PPP1R10: variants seen among roughly 807,000 people sequenced by gnomAD.
PPP1R10 encodes the protein serine/threonine-protein phosphatase 1 regulatory subunit 10.
A neutral mutation model predicts 99.0 loss-of-function variants in PPP1R10; 15 were observed. The observed-to-expected ratio is 0.15, with a 90% CI of 0.10 to 0.23. The LOEUF (loss-of-function observed/expected upper bound fraction) is 0.23. Ranked by LOEUF, PPP1R10 falls within the 10% of genes least tolerant of loss-of-function variation. The pLI is 1.00. For synonymous variants in PPP1R10, 430 were observed against 449.5 expected (o/e 0.96, Z 0.55); for missense variants, 947 against 1,259.4 (o/e 0.75, Z 3.75).
In PPP1R10 at chr6:30,616,584, T is replaced by C. The variant is rs980696630; in HGVS notation, c.-118A>G. On this transcript the variant is annotated 5_prime_UTR_variant, in exon 2 of 20. Coordinates refer to ENST00000376511, the MANE Select transcript of PPP1R10 (RefSeq NM_002714.4). Reference sequence around the variant, plus strand: ...AACCAGGACCCAAAACTCAATTATTTAGGGGGCCTCATTGGATCAAAAAGT... The same window carrying C: ...AACCAGGACCCAAAACTCAATTATTCAGGGGGCCTCATTGGATCAAAAAGT... 3.3e-5 allele frequency: 5 copies of C among 152,006 alleles called. No individual in the cohort carries two copies. Among genetic ancestry groups the C allele is most frequent in the Admixed American group, 2.6e-4 (4 of 15,260 alleles). 9.4% of individuals were successfully genotyped at this position (152,006 alleles called of 1,614,324 possible).
intron 2 of PPP1R10, among the ~76,000 whole-genome samples, chr6:30,615,162 G>A (rs950414821): frequency 6.7e-6 from 1 of 149,860 alleles, no homozygotes; most frequent in African/African-American, 2.5e-5. Context: ...TGGAGAAAGA[G>A]GACTTAAACT....
Position 30,601,490 on chromosome 6 carries a change from G to C in PPP1R10, c.*59C>G. On this transcript the variant is annotated 3_prime_UTR_variant, in exon 20 of 20. Transcript: ENST00000376511. ...TGGGCCTCACAGAAGCCATAACAGG[G>C]TGGAAAGAGCGAGGCTGCAGTCCAC... The C allele has an allele frequency of 7.0e-7, 1 of 1,435,774 alleles. No individual in the cohort carries two copies. Among genetic ancestry groups the C allele is most frequent in the Middle Eastern group, 1.8e-4 (1 of 5,416 alleles). 88.9% of individuals were successfully genotyped at this position (1,435,774 alleles called of 1,614,324 possible). A position where few individuals can be genotyped will look rare whatever the true frequency, so the allele number is the denominator to read the frequency against.
Position 30,609,692 on chromosome 6 carries a change from C to T in PPP1R10, c.107+146G>A. The T allele has an allele frequency of 9.9e-6, 7 of 704,852 alleles. No homozygotes were observed. The South Asian group carries it at 1.3e-4, about 13-fold the overall frequency. 43.7% of individuals were successfully genotyped at this position (704,852 alleles called of 1,614,324 possible). ...GTGATCATCTTTTCCTATCCCTTAT[C>T]CTAAAATTGTTACATTTTAATCCTA... On this transcript the variant is annotated intron_variant, in intron 3 of 19. Coordinates refer to ENST00000376511, the MANE Select transcript of PPP1R10 (RefSeq NM_002714.4). This position sits in a 1 kb window ranked among gnomAD's most constrained non-coding sequence, Gnocchi z 4.5.
rs1803531238 is a variant in PPP1R10 at position 30,603,000 on chromosome 6, G to C, written c.1844-41C>G. ...AGAGTAACACAGCATGAGCACTCTA[G>C]AAGACTAGCATGATCTCCCATTTAG... On this transcript the variant is annotated intron_variant, in intron 17 of 19. Coordinates refer to ENST00000376511, the MANE Select transcript of PPP1R10 (RefSeq NM_002714.4). This position sits in a 1 kb window ranked among gnomAD's most constrained non-coding sequence, Gnocchi z 6.7. 2.0e-6 allele frequency: 3 copies of C among 1,488,312 alleles called. No individual in the cohort carries two copies. Among genetic ancestry groups the C allele is most frequent in the Non-Finnish European group, 2.7e-6 (3 of 1,104,126 alleles). The allele number at this position is 1,488,312 out of a possible 1,614,324, so 92.2% of individuals were successfully genotyped here.
In PPP1R10 at chr6:30,604,291, G is replaced by A; in HGVS notation, c.1262-37C>T. 1 of 1,613,750 alleles carries A rather than the reference G, an allele frequency of 6.2e-7. No homozygotes were observed. The stretch of plus-strand genomic sequence containing the variant: ...GGAAGAAAAGCAAGAGGGAAAGTAA[G>A]CACAACCAAGTCCTTTCAAAATCCC... On this transcript the variant is annotated intron_variant, in intron 13 of 19. Transcript: ENST00000376511. This position sits in a 1 kb window ranked among gnomAD's most constrained non-coding sequence, Gnocchi z 7.3.
intron 2 of PPP1R10, among the ~76,000 whole-genome samples, chr6:30,610,494 G>A (rs1440339631): frequency 3.9e-5 from 6 of 152,212 alleles, no homozygotes; most frequent in Non-Finnish European, 8.8e-5. Flanking sequence ...CACATGGCAA[G>A]ATATGTATCA....
Position 30,602,094 on chromosome 6 carries a change from C to T in PPP1R10, c.2555G>A (p.Gly852Glu), listed in dbSNP as rs2127435140. ...CCGGTGGCCATGGGGCCCCCCGTGT[C>T]CAGGGCCTTCATGGGGACGATGTCC... ...SGGHRPHEGPGHGGPHGHRPH... is the reference protein window; with the variant it reads ...SGGHRPHEGPEHGGPHGHRPH... The change falls in exon 19 of 20, where the codon GGA (glycine) becomes GAA (glutamate). Residue 852 changes from glycine (G) to glutamate (E), a missense_variant. Coordinates refer to ENST00000376511, the MANE Select transcript of PPP1R10 (RefSeq NM_002714.4). This position sits in a 1 kb window ranked among gnomAD's most constrained non-coding sequence, Gnocchi z 6.7. 6.3e-7 allele frequency: 1 copy of T among 1,592,922 alleles called. No individual in the cohort carries two copies. Among genetic ancestry groups the T allele is most frequent in the Non-Finnish European group, 8.6e-7 (1 of 1,168,102 alleles).
rs746956717 is a variant in PPP1R10, at chr6:30,602,655, C to T, written c.1994G>A (p.Arg665His). The T allele has an allele frequency of 8.7e-6, 14 of 1,602,720 alleles. No homozygotes were observed. Among genetic ancestry groups the T allele is most frequent in the East Asian group, 6.7e-5 (3 of 44,726 alleles). ...GGGAGGGGGTGGAGGACCCAGAAGA[C>T]GTGGACCCACTGGCCCACCAGGGCC... ...HGGPGGPVGP[R>H]LLGPPPPPRG... The change falls in exon 19 of 20, where the codon CGT (arginine) becomes CAT (histidine). Residue 665 changes from arginine (R) to histidine (H), a missense_variant. Around this residue, in one of 10 missense-constraint regions of PPP1R10, gnomAD observed 525 missense variants for 578.8 expected, o/e 0.91. Coordinates refer to ENST00000376511, the MANE Select transcript of PPP1R10 (RefSeq NM_002714.4). The surrounding 1 kb of genome is among the most constrained non-coding windows in gnomAD (Gnocchi z 6.7).
At position 30,616,727 on chromosome 6, in the gene PPP1R10, G is replaced by GAA. The variant is rs1760605291; in HGVS notation, c.-263_-262dup. 1 of 152,166 alleles carries GAA rather than the reference G, an allele frequency of 6.6e-6. No homozygotes were observed. The highest frequency in any genetic ancestry group is 2.4e-5 in the African/African-American group (1 of 41,438). 9.4% of individuals were successfully genotyped at this position (152,166 alleles called of 1,614,324 possible). On this transcript the variant is annotated 5_prime_UTR_variant, in exon 2 of 20. Coordinates refer to ENST00000376511, the MANE Select transcript of PPP1R10 (RefSeq NM_002714.4). Reference sequence around the variant, plus strand: ...TCAAAAAAGTAAACGCTGGATGAGTGAATTTGGGTGGTTTGGGAAGGGAGG... The same window carrying GAA: ...TCAAAAAAGTAAACGCTGGATGAGTGAAAATTTGGGTGGTTTGGGAAGGGAGG...
intron 2 of PPP1R10, among the ~76,000 whole-genome samples, chr6:30,615,812 G>A (rs1207465672): frequency 6.6e-6 from 1 of 151,992 alleles, no homozygotes; most frequent in Non-Finnish European, 1.5e-5. Context: ...TGTATGTACT[G>A]GCACTAAGAT....
rs776306917 is a variant in PPP1R10 at position 30,606,259 on chromosome 6, C to T, written c.635-16G>A. 50 of 1,612,438 alleles carry T rather than the reference C, an allele frequency of 3.1e-5. No individual in the cohort carries two copies. The highest frequency in any genetic ancestry group is 5.0e-5 in the Admixed American group (3 of 59,982). On this transcript the variant is annotated splice_polypyrimidine_tract_variant and intron_variant, in intron 8 of 19. Transcript: ENST00000376511. The surrounding 1 kb of genome is among the most constrained non-coding windows in gnomAD (Gnocchi z 6.3). ...AGCTCTAGTCCTGGGGAAAGAAGCA[C>T]GGTGTGGGCAGCTGAACTCAAACCC...
Position 30,603,558 on chromosome 6 carries a change from G to C in PPP1R10, c.1681C>G (p.Leu561Val). Residue 561 changes from leucine to valine, a missense_variant, in exon 16 of 20, where the codon CTT becomes GTT. Coordinates refer to ENST00000376511, the MANE Select transcript of PPP1R10 (RefSeq NM_002714.4). ...TTTCCAGCACCCATGCTTCCCATAA[G>C]ATTGGCCAGAACTGGAGGCAACTTG... ...GSKLPPVLAN[L>V]MGSMGAGKGP... 1 of 1,614,096 alleles carries C rather than the reference G, an allele frequency of 6.2e-7. No individual in the cohort carries two copies. Among genetic ancestry groups the C allele is most frequent in the South Asian group, 1.1e-5 (1 of 91,086 alleles).
chr6:30,609,166 G>A lies in PPP1R10; in HGVS notation c.108-3C>T, dbSNP rs1804287458. 2 of 1,612,930 alleles carry A rather than the reference G, an allele frequency of 1.2e-6. No homozygotes were observed. ...TCTTTCGTGCTTCCTTCATCAAACTGCAGAAGATGAGTTAGGGTTAGAAAT... is the reference window on the plus strand; with the variant it reads ...TCTTTCGTGCTTCCTTCATCAAACTACAGAAGATGAGTTAGGGTTAGAAAT... On this transcript the variant is annotated splice_region_variant and splice_polypyrimidine_tract_variant and intron_variant, in intron 3 of 19. Transcript: ENST00000376511. The surrounding 1 kb of genome is among the most constrained non-coding windows in gnomAD (Gnocchi z 4.5).
rs1346477672 is a variant in PPP1R10 at position 30,601,249 on chromosome 6, C to T, written c.*300G>A. On this transcript the variant is annotated 3_prime_UTR_variant, in exon 20 of 20. Coordinates refer to ENST00000376511, the MANE Select transcript of PPP1R10 (RefSeq NM_002714.4). ...AGGTTCTCAAGCATTAAGGGTAATA[C>T]TGGAAAGGGGTTTGGGGTACAGGGC... is the stretch of plus-strand genomic sequence containing the variant. The T allele has an allele frequency of 7.1e-5, 30 of 422,978 alleles. No homozygotes were observed. Among genetic ancestry groups the T allele is most frequent in the Non-Finnish European group, 1.1e-4 (25 of 235,622 alleles). 26.2% of individuals were successfully genotyped at this position (422,978 alleles called of 1,614,324 possible). A position where few individuals can be genotyped will look rare whatever the true frequency, so the allele number is the denominator to read the frequency against.
rs1037251406 is a variant in PPP1R10, at chr6:30,616,845, G to C, written c.-379C>G. 6.6e-6 allele frequency: 1 copy of C among 152,248 alleles called. No homozygotes were observed. The highest frequency in any genetic ancestry group is 1.5e-5 in the Non-Finnish European group (1 of 68,064). The allele number at this position is 152,248 out of a possible 1,614,324, so 9.4% of individuals were successfully genotyped here. A position where few individuals can be genotyped will look rare whatever the true frequency, so the allele number is the denominator to read the frequency against. ...GTGGGCTGGTGGGGTGGGCAAGATA[G>C]GTGGGAAGGGGCAGAAGACACAAGT... On this transcript the variant is annotated 5_prime_UTR_variant, in exon 2 of 20. Coordinates refer to ENST00000376511, the MANE Select transcript of PPP1R10 (RefSeq NM_002714.4).
At chr6:30,611,753 G>A (rs116195153) in intron 2 of PPP1R10, among the ~76,000 whole-genome samples, 74 of 152,226 alleles carry the variant, frequency 4.9e-4, no homozygotes, top group African/African-American at 1.8e-3. Context: ...CTGAACAGAG[G>A]GAGAGATGAG....
In PPP1R10 at chr6:30,606,648, T is replaced by C; in HGVS notation, c.461-7A>G. On this transcript the variant is annotated splice_polypyrimidine_tract_variant and splice_region_variant and intron_variant, in intron 7 of 19. Transcript: ENST00000376511. The surrounding 1 kb of genome is among the most constrained non-coding windows in gnomAD (Gnocchi z 6.3). Reference sequence around the variant, plus strand: ...CGTTTCTTCTTATCTTTCTCTGTTGTGAAAAAACAAAGCAGAAAAGGATTT... The same window carrying C: ...CGTTTCTTCTTATCTTTCTCTGTTGCGAAAAAACAAAGCAGAAAAGGATTT... 1 of 1,613,860 alleles carries C rather than the reference T, an allele frequency of 6.2e-7. No individual in the cohort carries two copies. Among genetic ancestry groups the C allele is most frequent in the East Asian group, 2.2e-5 (1 of 44,882 alleles).
At position 30,602,043 on chromosome 6, in the gene PPP1R10, C is replaced by G. The variant is rs149281527; in HGVS notation, c.2606G>C (p.Gly869Ala). ...HRPHDVPGHR[G>A]HDHRGPPPHE... is the part of the protein sequence containing the mutation. Reference sequence around the variant, plus strand: ...AGGTGGCGGCCCTCGATGGTCATGGCCTCGGTGACCAGGGACATCATGAGG... The same window carrying G: ...AGGTGGCGGCCCTCGATGGTCATGGGCTCGGTGACCAGGGACATCATGAGG... The change falls in exon 19 of 20, where the codon GGC becomes GCC. Residue 869 changes from glycine (G) to alanine (A), a missense_variant. Physicochemically the swap from Gly to Ala is moderately conservative, Grantham distance 60. Coordinates refer to ENST00000376511, the MANE Select transcript of PPP1R10 (RefSeq NM_002714.4). This position sits in a 1 kb window ranked among gnomAD's most constrained non-coding sequence, Gnocchi z 6.7. The G allele has an allele frequency of 6.4e-7, 1 of 1,555,276 alleles. No individual in the cohort carries two copies. Among genetic ancestry groups the G allele is most frequent in the African/African-American group, 1.4e-5 (1 of 73,912 alleles).
chr6:30,603,147 G>GCTTC, intron 17 of PPP1R10, 63 bp downstream of exon 17: 2 of 1,537,530 alleles, frequency 1.3e-6, no homozygotes, highest in Non-Finnish European at 1.8e-6. Context: ...TTGAAACCCT[G>GCTTC]CTTCCCCCAA....
Sources: gnomAD v4.1 joint callset for allele counts (sites outside exome capture counted in the v4.1 genomes callset) on GRCh38, gnomAD v4.1.1 for gene constraint, gnomAD v4.1.1 regional missense constraint, Gnocchi (gnomAD v3.1) non-coding constraint, MANE v1.5 for transcripts, NCBI Gene and HGNC (gene_info 2026-07-23, HGNC 2026-07-21) for gene names.